Variants in BMPR2 observed in about 807,000 individuals in gnomAD.
BMPR2 encodes bone morphogenetic protein receptor type 2.
In BMPR2, 29 loss-of-function variants were observed where a neutral mutation model predicts 100.8. The ratio of observed to expected loss-of-function variants is 0.29; its 90% CI spans 0.21 to 0.39. BMPR2 has a LOEUF of 0.39. BMPR2 is among the 10% of genes least tolerant of loss of function. The pLI is 1.00. For missense variants in BMPR2, 1,011 were observed against 1,274.5 expected (o/e 0.79, Z 3.15); for synonymous variants, 382 against 442.3 (o/e 0.86, Z 1.71).
intron 1 of BMPR2, among the ~76,000 whole-genome samples, chr2:202,420,838 C>T (rs975907369): frequency 2.6e-5 from 4 of 151,766 alleles, no homozygotes; most frequent in African/African-American, 4.8e-5. Context: ...TGAGCCACCA[C>T]GCCCAGCCAG....
At chr2:202,405,015 G>T (rs1690858452) in intron 1 of BMPR2, among the ~76,000 whole-genome samples, 1 of 151,808 alleles carries the variant, frequency 6.6e-6, no homozygotes. Context: ...TAGAGACAGG[G>T]TCTCGCTATG....
intron 3 of BMPR2, among the ~76,000 whole-genome samples, chr2:202,473,431 T>C (rs1692475002): frequency 6.6e-6 from 1 of 151,760 alleles, no homozygotes; most frequent in Non-Finnish European, 1.5e-5. Flanking sequence ...CAGCCTAGGC[T>C]ACAGAGTGAG....
intron 9 of BMPR2, among the ~76,000 whole-genome samples, chr2:202,534,892 G>A (rs567904734): frequency 2.4e-4 from 28 of 118,422 alleles, no homozygotes; most frequent in Non-Finnish European, 3.6e-4. Context: ...GCGGCTGGCC[G>A]GGCGGGGGGC....
intron 3 of BMPR2, among the ~76,000 whole-genome samples, chr2:202,497,641 C>T (rs1693069345): frequency 6.6e-6 from 1 of 152,202 alleles, no homozygotes; most frequent in Non-Finnish European, 1.5e-5. Flanking sequence ...GGGCAGAACT[C>T]TCAAAGGCAT....
At chr2:202,425,988 A>G (rs1691375368) in intron 1 of BMPR2, among the ~76,000 whole-genome samples, 1 of 152,224 alleles carries the variant, frequency 6.6e-6, no homozygotes, top group Admixed American at 6.5e-5. Context: ...GTAACAATCC[A>G]AAAGGGAAAT....
At chr2:202,432,578 A>G (rs987826700) in intron 1 of BMPR2, among the ~76,000 whole-genome samples, 1 of 150,704 alleles carries the variant, frequency 6.6e-6, no homozygotes, top group Admixed American at 6.6e-5. Flanking sequence ...GGTTAAAAAA[A>G]CCGTAAGTTA....
rs192519322 is a variant in BMPR2, at chr2:202,395,805, G to A, written c.76+18255G>A. On this transcript the variant is annotated intron_variant, in intron 1 of 12. Transcript: ENST00000374580. ...ACAAAAATTAGCCAGGCATGGGGGC[G>A]GGAGCCTATAATCCCAGCCACTCGG... 1.1e-3 allele frequency among the ~76,000 whole-genome samples: 165 copies of A among 152,110 alleles called. 1 individual carries two copies. Among genetic ancestry groups the A allele is most frequent in the African/African-American group, 3.7e-3 (152 of 41,494 alleles).
chr2:202,557,843 A>T (rs1574508299), intron 12 of BMPR2, among the ~76,000 whole-genome samples: 1 of 152,352 alleles, frequency 6.6e-6, no homozygotes, highest in East Asian at 1.9e-4. Context: ...CAACTCACAT[A>T]CTTGCTATGA....
intron 1 of BMPR2, among the ~76,000 whole-genome samples, chr2:202,397,858 C>T (rs1001821214): frequency 4.6e-5 from 7 of 151,398 alleles, no homozygotes; most frequent in Admixed American, 2.0e-4. Context: ...TGGTGGCTCC[C>T]GCCTGTAATC....
intron 12 of BMPR2, 149 bp downstream of exon 12, chr2:202,556,680 C>A (rs1688578730): frequency 2.8e-6 from 3 of 1,066,348 alleles, no homozygotes; most frequent in Admixed American, 4.0e-5. Context: ...GGCACAGTGG[C>A]TCACACCTGT....
chr2:202,391,710 C>T (rs542066981), intron 1 of BMPR2, among the ~76,000 whole-genome samples: 1 of 151,996 alleles, frequency 6.6e-6, no homozygotes, highest in Non-Finnish European at 1.5e-5. Context: ...CTCAGCCCCC[C>T]GAGTAGCTGG....
chr2:202,380,962 TTTC>T (rs1346483652), intron 1 of BMPR2, among the ~76,000 whole-genome samples: 1 of 141,980 alleles, frequency 7.0e-6, no homozygotes, highest in African/African-American at 2.7e-5. Context: ...GATTTCTTTC[TTTC>T]TTTTTTTTTT....
rs1434568450 is a variant in BMPR2 at position 202,565,399 on chromosome 2, AATAGTTTG to A, written c.*5466_*5473del. On this transcript the variant is annotated 3_prime_UTR_variant, in exon 13 of 13. Coordinates refer to ENST00000374580, the MANE Select transcript of BMPR2 (RefSeq NM_001204.7). ...TTCAAATTCATTACTCCAGTTAAGT[AATAGTTTG>A]ATAGTTTGATAGAATCGAGAGTTAA... 4 of 152,332 alleles carry A rather than the reference AATAGTTTG, an allele frequency of 2.6e-5. No homozygotes were observed. Among genetic ancestry groups the A allele is most frequent in the Admixed American group, 2.0e-4 (3 of 15,280 alleles). 9.4% of individuals were successfully genotyped at this position (152,332 alleles called of 1,614,324 possible).
intron 2 of BMPR2, among the ~76,000 whole-genome samples, chr2:202,465,596 C>T (rs937454338): frequency 2.0e-5 from 3 of 152,130 alleles, no homozygotes; most frequent in Non-Finnish European, 2.9e-5. Flanking sequence ...TGGTGGCTCA[C>T]GCCTGTAATC....
At chr2:202,514,160 C>T (rs947391704) in intron 4 of BMPR2, among the ~76,000 whole-genome samples, 8 of 151,794 alleles carry the variant, frequency 5.3e-5, no homozygotes, top group Non-Finnish European at 7.4e-5. Context: ...ATTTTTGAGA[C>T]GGAGTCTCGC....
intron 1 of BMPR2, among the ~76,000 whole-genome samples, chr2:202,389,873 C>G (rs970166574): frequency 3.3e-5 from 5 of 151,864 alleles, no homozygotes; most frequent in Admixed American, 6.6e-5. Flanking sequence ...CTCCTGACCT[C>G]AGGTGATCCG....
Position 202,376,537 on chromosome 2 carries a change from G to GCGT in BMPR2, c.-936_-935insTCG, listed in dbSNP as rs1690147148. On this transcript the variant is annotated 5_prime_UTR_variant, in exon 1 of 13. Transcript: ENST00000374580. Reference sequence around the variant, plus strand: ...GGCGGCGGCGGCGGCGGCGGCGGCGGCGGCGGCGGCAGCAGCAGCGGCTTC... The same window carrying GCGT: ...GGCGGCGGCGGCGGCGGCGGCGGCGGCGTCGGCGGCGGCAGCAGCAGCGGCTTC... Among the ~76,000 whole-genome samples, 1 of 143,088 alleles carries GCGT rather than the reference G, an allele frequency of 7.0e-6. No homozygotes were observed. Among genetic ancestry groups the GCGT allele is most frequent in the African/African-American group, 2.6e-5 (1 of 38,900 alleles). The allele number at this position is 143,088 out of a possible 152,430, so 93.9% of individuals were successfully genotyped here. A position where few individuals can be genotyped will look rare whatever the true frequency, so the allele number is the denominator to read the frequency against.
At chr2:202,429,732 G>A (rs34360304) in intron 1 of BMPR2, among the ~76,000 whole-genome samples, 2,923 of 152,176 alleles carry the variant, frequency 0.019, 42 homozygotes, top group Non-Finnish European at 0.031. Context: ...ACTTACAATC[G>A]TGGCAGAAGG....
intron 1 of BMPR2, among the ~76,000 whole-genome samples, chr2:202,424,997 C>T (rs930083591): frequency 4.6e-5 from 7 of 151,720 alleles, no homozygotes; most frequent in African/African-American, 1.5e-4. Flanking sequence ...CTCGCTCTGT[C>T]GCCCGGGCTG....
Sources: allele counts gnomAD v4.1 joint callset (sites outside exome capture counted in the v4.1 genomes callset), GRCh38; gene constraint gnomAD v4.1.1; transcripts MANE v1.5; gene names NCBI Gene and HGNC (gene_info 2026-07-23, HGNC 2026-07-21).